The following TTC33 variants were observed in gnomAD, a reference collection of about 807,000 sequenced individuals.
TTC33 encodes the protein tetratricopeptide repeat domain 33.
Under a neutral mutation model 29.4 loss-of-function variants are expected in TTC33, and 24 were observed. The observed-to-expected ratio is 0.82, with a 90% CI of 0.59 to 1.15. TTC33 has a LOEUF of 1.15. Among genes scored for constraint, TTC33 ranks in the 50% most tolerant of loss-of-function variants. The pLI is 0.00. For missense variants in TTC33, 286 were observed against 310.4 expected, an observed-to-expected ratio of 0.92 and a Z score of 0.59; for synonymous variants, 107 against 100.3, an observed-to-expected ratio of 1.07 and a Z score of -0.40.
chr5:40,752,000 C>G (rs1219296744), intron 1 of TTC33, among the ~76,000 whole-genome samples: 1 of 151,700 alleles, frequency 6.6e-6, no homozygotes, highest in Non-Finnish European at 1.5e-5. Context: ...TTAGTGTAGC[C>G]AACTTCATCA....
rs1013786197 is a variant in TTC33 at position 40,722,331 on chromosome 5, G to A, written c.436-5833C>T. 1.5e-4 allele frequency among the ~76,000 whole-genome samples: 23 copies of A among 152,144 alleles called. No homozygotes were observed. The East Asian group carries it at 3.7e-3, about 25-fold the overall frequency. On this transcript the variant is annotated intron_variant, in intron 4 of 4. Coordinates refer to ENST00000337702, the MANE Select transcript of TTC33 (RefSeq NM_012382.3). The stretch of plus-strand genomic sequence containing the variant: ...GCATCCTCTGCCCGGCCGCCACCCC[G>A]TCTAGGAAGTGAGGAGCGTCTCTGC...
rs114109384 is a variant in TTC33 at position 40,735,461 on chromosome 5, G to C, written c.222-5118C>G. Among the ~76,000 whole-genome samples, 680 of 152,222 alleles carry C rather than the reference G, an allele frequency of 4.5e-3. 6 individuals are homozygous for C. The highest frequency in any genetic ancestry group is 0.016 in the African/African-American group (651 of 41,536). On this transcript the variant is annotated intron_variant, in intron 2 of 4. Transcript: ENST00000337702. ...ACTTGGTATGAGTGAAAAAAAGAAA[G>C]AAATCCAGGATAATTTGGGTTACCT...
chr5:40,737,329 C>T lies in TTC33; in HGVS notation c.222-6986G>A, dbSNP rs191455164. 2.4e-3 allele frequency among the ~76,000 whole-genome samples: 359 copies of T among 151,764 alleles called. 2 individuals carry two copies. The highest frequency in any genetic ancestry group is 8.4e-3 in the African/African-American group (348 of 41,462). ...AAAAAAAAAAGACTGGGGACTTCTG[C>T]TACTATCCTACAGGTGATGCACAAG... On this transcript the variant is annotated intron_variant, in intron 2 of 4. Coordinates refer to ENST00000337702, the MANE Select transcript of TTC33 (RefSeq NM_012382.3).
intron 4 of TTC33, among the ~76,000 whole-genome samples, chr5:40,718,968 T>G (rs745968074): frequency 2.6e-5 from 4 of 152,278 alleles, no homozygotes; most frequent in Non-Finnish European, 4.4e-5. Context: ...GTTCTTAATA[T>G]TCTAATAAAA....
At chr5:40,723,292 A>G (rs1046949931) in intron 4 of TTC33, among the ~76,000 whole-genome samples, 2 of 152,142 alleles carry the variant, frequency 1.3e-5, no homozygotes, top group Non-Finnish European at 2.9e-5. Flanking sequence ...GGACACAAAC[A>G]CTGTGGAAGG....
intron 2 of TTC33, among the ~76,000 whole-genome samples, chr5:40,741,142 A>G (rs1742685717): frequency 1.3e-5 from 2 of 152,224 alleles, no homozygotes; most frequent in South Asian, 4.1e-4. Context: ...TTAGATGCTG[A>G]ATATTTTAAA....
At chr5:40,747,128 G>A (rs867547889) in intron 1 of TTC33, 109 bp from the exon 2 acceptor site, 9 of 945,652 alleles carry the variant, frequency 9.5e-6, no homozygotes, top group East Asian at 2.6e-5. Context: ...GCACGACCTC[G>A]GCTCACCGTA....
chr5:40,745,426 G>A (rs1742772266), intron 2 of TTC33, among the ~76,000 whole-genome samples: 2 of 152,004 alleles, frequency 1.3e-5, no homozygotes, highest in Admixed American at 6.6e-5. Context: ...AATTATGTAT[G>A]CCTGTGTGTG....
intron 2 of TTC33, among the ~76,000 whole-genome samples, chr5:40,746,567 T>C (rs1384128443): frequency 6.6e-6 from 1 of 152,208 alleles, no homozygotes; most frequent in African/African-American, 2.4e-5. Flanking sequence ...AGCAGGGACA[T>C]AATTAGCATC....
chr5:40,746,894 T>C lies in TTC33; in HGVS notation c.125A>G (p.His42Arg). Reference protein sequence around the residue: ...VVDNDEGNWLHAIKRRKEILL... With the variant: ...VVDNDEGNWLRAIKRRKEILL... ...AATTTCTTTCCTACGTTTAATGGCA[T>C]GAAGCCAGTTCCCTTCATCGTTGTC... Residue 42 changes from histidine to arginine, a missense_variant, in exon 2 of 5, where the codon CAT becomes CGT. His to Arg is a conservative substitution (Grantham distance 29). Coordinates refer to ENST00000337702, the MANE Select transcript of TTC33 (RefSeq NM_012382.3). 1 of 1,614,206 alleles carries C rather than the reference T, an allele frequency of 6.2e-7. No individual in the cohort carries two copies. Among genetic ancestry groups the C allele is most frequent in the Non-Finnish European group, 8.5e-7 (1 of 1,180,034 alleles).
chr5:40,726,156 T>C (rs1356320182), intron 4 of TTC33, among the ~76,000 whole-genome samples: 1 of 106,482 alleles, frequency 9.4e-6, no homozygotes, highest in East Asian at 2.8e-4. Flanking sequence ...TATATATATA[T>C]ATATACACAC....
chr5:40,744,159 T>C (rs1302070518), intron 2 of TTC33, among the ~76,000 whole-genome samples: 4 of 152,226 alleles, frequency 2.6e-5, no homozygotes, highest in Non-Finnish European at 5.9e-5. Context: ...TTACATTTGG[T>C]TTTCTTCTAA....
intron 1 of TTC33, among the ~76,000 whole-genome samples, chr5:40,754,512 G>A (rs1006198542): frequency 4.6e-5 from 7 of 152,312 alleles, no homozygotes; most frequent in Middle Eastern, 3.4e-3. Context: ...AATAGTCACT[G>A]TGGAGATAAG....
In TTC33 at chr5:40,728,484, C is replaced by A; in HGVS notation, c.304-8G>T. The A allele has an allele frequency of 6.3e-7, 1 of 1,577,510 alleles. No homozygotes were observed. Among genetic ancestry groups the A allele is most frequent in the South Asian group, 1.2e-5 (1 of 84,768 alleles). On this transcript the variant is annotated splice_region_variant and splice_polypyrimidine_tract_variant and intron_variant, in intron 3 of 4. Transcript: ENST00000337702. ...ATGAAGAGACATTAGCACCTATAGG[C>A]AAAAAAAGACCAAAAAATCTGTCAG...
Position 40,712,956 on chromosome 5 carries a change from T to C in TTC33, c.*3189A>G, listed in dbSNP as rs964992795. On this transcript the variant is annotated 3_prime_UTR_variant, in exon 5 of 5. Transcript: ENST00000337702. ...TGCAAGTGACTAAGGTAAATGACTT[T>C]AGGGATAACCTCCTTTATTTCATTT... Among the ~76,000 whole-genome samples, 5 of 152,180 alleles carry C rather than the reference T, an allele frequency of 3.3e-5. No individual in the cohort carries two copies. Among genetic ancestry groups the C allele is most frequent in the Admixed American group, 6.6e-5 (1 of 15,256 alleles).
At chr5:40,723,025 C>G (rs546641075) in intron 4 of TTC33, among the ~76,000 whole-genome samples, 47 of 152,260 alleles carry the variant, frequency 3.1e-4, no homozygotes, top group African/African-American at 1.1e-3. Context: ...AAGGAGAGAT[C>G]GGATTGTTAC....
chr5:40,745,141 A>G (rs1374411766), intron 2 of TTC33, among the ~76,000 whole-genome samples: 1 of 152,220 alleles, frequency 6.6e-6, no homozygotes, highest in African/African-American at 2.4e-5. Context: ...GCCAAAAGAC[A>G]CTAAAGAGAC....
chr5:40,747,701 C>T (rs1306821489), intron 1 of TTC33, among the ~76,000 whole-genome samples: 1 of 152,090 alleles, frequency 6.6e-6, no homozygotes, highest in Non-Finnish European at 1.5e-5. Flanking sequence ...AAGAAATAAA[C>T]TGCCAGGAAA....
At chr5:40,753,380 G>C (rs967688666) in intron 1 of TTC33, among the ~76,000 whole-genome samples, 1 of 151,092 alleles carries the variant, frequency 6.6e-6, no homozygotes, top group African/African-American at 2.4e-5. Flanking sequence ...AAAAAAGAAA[G>C]AAAGAAAGAA....
Sources: allele counts gnomAD v4.1 joint callset (sites outside exome capture counted in the v4.1 genomes callset), GRCh38; gene constraint gnomAD v4.1.1; transcripts MANE v1.5; gene names NCBI Gene and HGNC (gene_info 2026-07-23, HGNC 2026-07-21).